Variants in LDLRAD4 observed in about 807,000 individuals in gnomAD.
The protein encoded by LDLRAD4 is low-density lipoprotein receptor class A domain-containing protein 4.
In LDLRAD4, 5 loss-of-function variants were observed where a neutral mutation model predicts 17.0. That is an observed-to-expected ratio of 0.29 (90% CI 0.15 to 0.62). LDLRAD4 has a LOEUF of 0.62. Among genes scored for constraint, LDLRAD4 ranks in the 20% least tolerant of loss-of-function variants. The pLI is 0.84. For missense variants in LDLRAD4, 340 were observed against 424.7 expected (o/e 0.80, Z 1.75); for synonymous variants, 168 against 171.8 (o/e 0.98, Z 0.17).
At chr18:13,620,731 G>A (rs2040546970) in intron 3 of LDLRAD4, 1 of 239,974 alleles carries the variant, frequency 4.2e-6, no homozygotes, top group African/African-American at 2.2e-5. Flanking sequence ...TGGAGGCAAG[G>A]GGCTGAAGTT....
chr18:13,291,520 C>G (rs754851410), intron 1 of LDLRAD4, among the ~76,000 whole-genome samples: 2 of 152,138 alleles, frequency 1.3e-5, no homozygotes, highest in African/African-American at 2.4e-5. Flanking sequence ...CTGCGGGGAC[C>G]TGGCCGGGTC....
chr18:13,412,985 C>T (rs951094219), intron 2 of LDLRAD4, among the ~76,000 whole-genome samples: 5 of 152,172 alleles, frequency 3.3e-5, no homozygotes, highest in Non-Finnish European at 4.4e-5. Context: ...GTAAGGGCAG[C>T]GTGTGTGACC....
At chr18:13,284,713 G>A in intron 1 of LDLRAD4, among the ~76,000 whole-genome samples, 1 of 152,160 alleles carries the variant, frequency 6.6e-6, no homozygotes, top group South Asian at 2.1e-4. Context: ...GTCCTCTGGT[G>A]CGGTTTGGGG....
chr18:13,308,143 G>A (rs1440563474), intron 1 of LDLRAD4, among the ~76,000 whole-genome samples: 1 of 152,090 alleles, frequency 6.6e-6, no homozygotes. Flanking sequence ...CCTGTACCAT[G>A]CTTTCGACAC....
At chr18:13,264,551 A>C (rs1395934769) in intron 1 of LDLRAD4, among the ~76,000 whole-genome samples, 1 of 152,196 alleles carries the variant, frequency 6.6e-6, no homozygotes, top group Non-Finnish European at 1.5e-5. Context: ...TGCTTAGGTG[A>C]TGGCATTCTT....
chr18:13,478,606 C>T (rs80182602), intron 3 of LDLRAD4, among the ~76,000 whole-genome samples: 2,433 of 152,164 alleles, frequency 0.016, 23 homozygotes, highest in Middle Eastern at 0.024. Context: ...ATGAGGAAAA[C>T]GACAAAACTG....
At chr18:13,381,600 C>T (rs1263907220) in intron 1 of LDLRAD4, among the ~76,000 whole-genome samples, 1 of 152,216 alleles carries the variant, frequency 6.6e-6, no homozygotes, top group African/African-American at 2.4e-5. Flanking sequence ...TGTAGCACCT[C>T]CTTTTCTTTA....
At chr18:13,424,422 T>G (rs996906235) in intron 2 of LDLRAD4, among the ~76,000 whole-genome samples, 2 of 152,172 alleles carry the variant, frequency 1.3e-5, no homozygotes, top group Admixed American at 6.5e-5. Context: ...AGCCCCAAAG[T>G]GCACTGACTT....
At chr18:13,346,745 A>G (rs2082714892) in intron 1 of LDLRAD4, among the ~76,000 whole-genome samples, 1 of 152,178 alleles carries the variant, frequency 6.6e-6, no homozygotes, top group Non-Finnish European at 1.5e-5. Flanking sequence ...GACTTGCTTT[A>G]TGAATCTGGG....
exon 6 of LDLRAD4, chr18:13,647,750 T>C (rs2043069902): frequency 6.6e-6 from 1 of 152,306 alleles, no homozygotes; most frequent in South Asian, 2.1e-4. Context: ...AGGCACCAGT[T>C]GTCAGCTCAT....
chr18:13,619,751 G>A (rs2040440336), intron 3 of LDLRAD4, among the ~76,000 whole-genome samples: 1 of 152,142 alleles, frequency 6.6e-6, no homozygotes, highest in African/African-American at 2.4e-5. Flanking sequence ...TGGCCTCTGA[G>A]CCTCTGAGCA....
intron 4 of LDLRAD4, among the ~76,000 whole-genome samples, chr18:13,628,443 G>A (rs550452122): frequency 1.3e-5 from 2 of 152,322 alleles, no homozygotes; most frequent in East Asian, 3.9e-4. Flanking sequence ...TGCATTTCAC[G>A]GAAACTGCAT....
At chr18:13,427,163 C>T (rs1013010582) in intron 2 of LDLRAD4, among the ~76,000 whole-genome samples, 2 of 151,798 alleles carry the variant, frequency 1.3e-5, no homozygotes, top group African/African-American at 2.4e-5. Flanking sequence ...TCCAGCCTGG[C>T]AACAGAGCAA....
chr18:13,311,667 C>T (rs141870983), intron 1 of LDLRAD4, among the ~76,000 whole-genome samples: 7 of 152,214 alleles, frequency 4.6e-5, no homozygotes, highest in South Asian at 4.2e-4. Flanking sequence ...TGAGGGAAGG[C>T]GGGCCTGGAT....
At chr18:13,492,203 G>A (rs1470096103) in intron 3 of LDLRAD4, among the ~76,000 whole-genome samples, 1 of 152,172 alleles carries the variant, frequency 6.6e-6, no homozygotes, top group African/African-American at 2.4e-5. Flanking sequence ...CATCAGGCCT[G>A]AGGGGCACAG....
intron 2 of LDLRAD4, among the ~76,000 whole-genome samples, chr18:13,389,879 A>G (rs2086136422): frequency 6.6e-6 from 1 of 152,166 alleles, no homozygotes; most frequent in South Asian, 2.1e-4. Flanking sequence ...CCTCTCACAT[A>G]TTAAGCCAAG....
intron 3 of LDLRAD4, among the ~76,000 whole-genome samples, chr18:13,449,604 G>A (rs1228445155): frequency 6.6e-6 from 1 of 152,242 alleles, no homozygotes; most frequent in East Asian, 1.9e-4. Flanking sequence ...CTGTTCCGGA[G>A]AGGGCCCCTG....
chr18:13,457,750 G>A (rs141715269), intron 3 of LDLRAD4, among the ~76,000 whole-genome samples: 3 of 152,190 alleles, frequency 2.0e-5, no homozygotes, highest in Non-Finnish European at 4.4e-5. Context: ...GCATCCCAGG[G>A]CCCTCTGCTG....
intron 1 of LDLRAD4, among the ~76,000 whole-genome samples, chr18:13,226,904 C>A (rs1353621756): frequency 6.6e-6 from 1 of 152,188 alleles, no homozygotes; most frequent in East Asian, 1.9e-4. Context: ...TAGCCTTGAA[C>A]TTGCAATGGA....
Sources: allele counts gnomAD v4.1 joint callset (sites outside exome capture counted in the v4.1 genomes callset), GRCh38; gene constraint gnomAD v4.1.1; transcripts MANE v1.5; gene names NCBI Gene and HGNC (gene_info 2026-07-23, HGNC 2026-07-21).